The following ALK variants were observed in gnomAD, a reference collection of about 807,000 sequenced individuals.
ALK encodes ALK tyrosine kinase receptor.
In ALK, 74 loss-of-function variants were observed where a neutral mutation model predicts 163.1. The ratio of observed to expected loss-of-function variants is 0.45; its 90% CI spans 0.38 to 0.55. The LOEUF (loss-of-function observed/expected upper bound fraction) is 0.55. Ranked by LOEUF, ALK falls within the 20% of genes least tolerant of loss-of-function variation. The pLI is 0.00. For missense variants in ALK, 2,063 were observed against 2,105.3 expected (o/e 0.98, Z 0.39); for synonymous variants, 960 against 843.2 (o/e 1.14, Z -2.40).
At chr2:29,505,324 C>T (rs1558355461) in intron 4 of ALK, among the ~76,000 whole-genome samples, 1 of 152,078 alleles carries the variant, frequency 6.6e-6, no homozygotes, top group Non-Finnish European at 1.5e-5. Flanking sequence ...ACTGTTGGGT[C>T]ATCAATGGTG....
chr2:29,519,228 A>C (rs1165554641), intron 4 of ALK, among the ~76,000 whole-genome samples: 1 of 152,204 alleles, frequency 6.6e-6, no homozygotes, highest in South Asian at 2.1e-4. Flanking sequence ...GGTGGTGAGC[A>C]TTCTACTGCT....
chr2:29,884,136 C>A (rs1254250462), intron 1 of ALK, among the ~76,000 whole-genome samples: 1 of 147,886 alleles, frequency 6.8e-6, no homozygotes, highest in Non-Finnish European at 1.5e-5. Context: ...GTTACTATTG[C>A]AAGAGGTCAA....
chr2:29,837,112 A>G (rs370790967), intron 1 of ALK, among the ~76,000 whole-genome samples: 1 of 152,160 alleles, frequency 6.6e-6, no homozygotes, highest in Non-Finnish European at 1.5e-5. Flanking sequence ...TAAACCACTG[A>G]TATTTTGAGA....
At chr2:29,287,995 T>C (rs1218303740) in intron 9 of ALK, among the ~76,000 whole-genome samples, 1 of 151,754 alleles carries the variant, frequency 6.6e-6, no homozygotes. Flanking sequence ...GGCACATACC[T>C]AGGTACTCAG....
chr2:29,552,082 C>T (rs1226865904), intron 3 of ALK, among the ~76,000 whole-genome samples: 1 of 152,170 alleles, frequency 6.6e-6, no homozygotes, highest in South Asian at 2.1e-4. Flanking sequence ...TTGGCCTATT[C>T]TAGATACCTT....
chr2:29,483,711 T>A (rs983060744), intron 4 of ALK, among the ~76,000 whole-genome samples: 1 of 152,248 alleles, frequency 6.6e-6, no homozygotes, highest in African/African-American at 2.4e-5. Flanking sequence ...TTGTTTAACA[T>A]AATGACATAT....
chr2:29,434,743 A>G (rs1432616014), intron 4 of ALK, among the ~76,000 whole-genome samples: 2 of 152,216 alleles, frequency 1.3e-5, no homozygotes, highest in African/African-American at 2.4e-5. Flanking sequence ...CCCAACATGT[A>G]TAATAACCAC....
chr2:29,792,850 A>G (rs1182831546), intron 1 of ALK, among the ~76,000 whole-genome samples: 1 of 152,184 alleles, frequency 6.6e-6, no homozygotes, highest in Non-Finnish European at 1.5e-5. Context: ...ATGGCTGACA[A>G]TCATCTGGGT....
At chr2:29,658,059 C>T (rs1677240233) in intron 3 of ALK, among the ~76,000 whole-genome samples, 2 of 152,100 alleles carry the variant, frequency 1.3e-5, no homozygotes, top group African/African-American at 4.8e-5. Context: ...GAGCTAACTA[C>T]AAGGCTGAAA....
chr2:29,542,670 G>A (rs1470007366), intron 3 of ALK, among the ~76,000 whole-genome samples: 3 of 152,098 alleles, frequency 2.0e-5, no homozygotes, highest in Non-Finnish European at 4.4e-5. Flanking sequence ...TAATTGATCT[G>A]TTTTTCCTAT....
chr2:29,398,055 G>A (rs916342991), intron 4 of ALK, among the ~76,000 whole-genome samples: 14 of 152,154 alleles, frequency 9.2e-5, no homozygotes, highest in African/African-American at 3.4e-4. Context: ...GACTTTCGAG[G>A]GTCAGCTCAA....
chr2:29,868,218 A>T (rs1355054701), intron 1 of ALK, among the ~76,000 whole-genome samples: 1 of 152,202 alleles, frequency 6.6e-6, no homozygotes, highest in Non-Finnish European at 1.5e-5. Flanking sequence ...GCACCTCAAG[A>T]TGGGAGGTGG....
At chr2:29,603,284 AG>A (rs1445828908) in intron 3 of ALK, among the ~76,000 whole-genome samples, 1 of 152,204 alleles carries the variant, frequency 6.6e-6, no homozygotes, top group Non-Finnish European at 1.5e-5. Flanking sequence ...TAGACAGGGA[AG>A]GGGATTCTCT....
At chr2:29,441,597 T>C (rs956023251) in intron 4 of ALK, among the ~76,000 whole-genome samples, 2 of 152,194 alleles carry the variant, frequency 1.3e-5, no homozygotes, top group Admixed American at 6.5e-5. Context: ...TCTGGAAATA[T>C]GTCAATGTTT....
chr2:29,644,794 A>T (rs866950658), intron 3 of ALK, among the ~76,000 whole-genome samples: 3 of 152,236 alleles, frequency 2.0e-5, no homozygotes, highest in Non-Finnish European at 4.4e-5. Context: ...GGTAAGTTTT[A>T]AAAACAATTC....
At chr2:29,473,941 T>C (rs1046483708) in intron 4 of ALK, among the ~76,000 whole-genome samples, 38 of 152,154 alleles carry the variant, frequency 2.5e-4, no homozygotes, top group Non-Finnish European at 5.3e-4. Context: ...CCCTACCAAG[T>C]TGTTGAGACT....
intron 5 of ALK, 89 bp downstream of exon 5, chr2:29,383,643 G>C: frequency 1.3e-6 from 2 of 1,565,354 alleles, no homozygotes; most frequent in South Asian, 2.3e-5. Flanking sequence ...TCATAAGTGT[G>C]CACATTCCCA....
intron 26 of ALK, among the ~76,000 whole-genome samples, chr2:29,203,512 TG>T (rs1319878050): frequency 7.8e-6 from 1 of 127,628 alleles, no homozygotes; most frequent in African/African-American, 2.8e-5. Flanking sequence ...TTTTTTTTTT[TG>T]TGAGACAGAG....
intron 3 of ALK, among the ~76,000 whole-genome samples, chr2:29,557,902 C>T (rs185568075): frequency 5.3e-4 from 80 of 152,266 alleles, no homozygotes; most frequent in African/African-American, 1.9e-3. Flanking sequence ...AGCTTATACT[C>T]ATGCGCTCTT....
Sources: gnomAD v4.1 joint callset for allele counts (sites outside exome capture counted in the v4.1 genomes callset) on GRCh38, gnomAD v4.1.1 for gene constraint, MANE v1.5 for transcripts, NCBI Gene and HGNC (gene_info 2026-07-23, HGNC 2026-07-21) for gene names.